VAV3: variants seen among roughly 807,000 people sequenced by gnomAD.
VAV3 encodes guanine nucleotide exchange factor VAV3.
In VAV3, 94 loss-of-function variants were observed where a neutral mutation model predicts 131.2. The ratio of observed to expected loss-of-function variants is 0.72; its 90% CI spans 0.61 to 0.85. VAV3 has a LOEUF of 0.85. Among genes scored for constraint, VAV3 ranks in the 40% least tolerant of loss-of-function variants. The pLI is 0.00. For synonymous variants in VAV3, 349 were observed against 342.0 expected, an observed-to-expected ratio of 1.02 and a Z score of -0.22; for missense variants, 939 against 1,002.7, an observed-to-expected ratio of 0.94 and a Z score of 0.86.
chr1:107,701,878 T>C (rs977475869), intron 17 of VAV3, among the ~76,000 whole-genome samples: 3 of 152,210 alleles, frequency 2.0e-5, no homozygotes, highest in East Asian at 1.9e-4. Context: ...ATCAGCACTT[T>C]GGTCAAAACC....
intron 2 of VAV3, among the ~76,000 whole-genome samples, chr1:107,861,728 G>A (rs1264546912): frequency 6.6e-6 from 1 of 151,486 alleles, no homozygotes; most frequent in Admixed American, 6.6e-5. Flanking sequence ...TACTTTAAAA[G>A]ACAACTCAAA....
chr1:107,766,280 T>C (rs1481213841), intron 8 of VAV3, among the ~76,000 whole-genome samples, 167 bp downstream of exon 8: 4 of 152,128 alleles, frequency 2.6e-5, no homozygotes, highest in Non-Finnish European at 2.9e-5. Context: ...TTTAATTACA[T>C]ATATAGAACT....
At chr1:107,959,267 A>T (rs1046653377) in intron 1 of VAV3, among the ~76,000 whole-genome samples, 15 of 151,502 alleles carry the variant, frequency 9.9e-5, no homozygotes, top group Non-Finnish European at 1.8e-4. Context: ...TCTAAAAAAT[A>T]AATAAATTAA....
intron 15 of VAV3, among the ~76,000 whole-genome samples, chr1:107,742,998 A>C (rs1663112847): frequency 6.6e-6 from 1 of 152,226 alleles, no homozygotes; most frequent in South Asian, 2.1e-4. Flanking sequence ...AGGAAAGACC[A>C]GGCCTGGCAG....
intron 2 of VAV3, among the ~76,000 whole-genome samples, chr1:107,816,078 C>A (rs1667548220): frequency 6.6e-6 from 1 of 152,178 alleles, no homozygotes; most frequent in East Asian, 1.9e-4. Flanking sequence ...GCTCGCTCAT[C>A]CACCCCTCAC....
intron 19 of VAV3, among the ~76,000 whole-genome samples, chr1:107,643,575 A>AT (rs1382052173): frequency 6.6e-6 from 1 of 152,100 alleles, no homozygotes; most frequent in East Asian, 1.9e-4. Context: ...TAAACATGAT[A>AT]TTTTTTGCAC....
chr1:107,658,628 A>G (rs1271748660), intron 19 of VAV3, among the ~76,000 whole-genome samples: 1 of 151,936 alleles, frequency 6.6e-6, no homozygotes, highest in Non-Finnish European at 1.5e-5. Flanking sequence ...CTGACTTTTT[A>G]ATGACTGCCA....
chr1:107,783,819 C>T (rs944680366), intron 2 of VAV3, among the ~76,000 whole-genome samples: 11 of 150,736 alleles, frequency 7.3e-5, no homozygotes, highest in Non-Finnish European at 1.0e-4. Flanking sequence ...GAGGCTGAGG[C>T]GGGCAGATCA....
chr1:107,734,883 C>T (rs969546045), intron 15 of VAV3, among the ~76,000 whole-genome samples: 7 of 152,180 alleles, frequency 4.6e-5, no homozygotes, highest in Non-Finnish European at 8.8e-5. Flanking sequence ...GAACTCTCCA[C>T]CACAAATCAA....
chr1:107,640,381 T>C (rs554431906), intron 20 of VAV3, among the ~76,000 whole-genome samples: 42 of 152,262 alleles, frequency 2.8e-4, no homozygotes, highest in Admixed American at 3.3e-4. Context: ...ATATATGCTA[T>C]GTGATGCACA....
intron 2 of VAV3, among the ~76,000 whole-genome samples, chr1:107,836,504 C>T (rs1018675659): frequency 6.6e-6 from 1 of 152,152 alleles, no homozygotes; most frequent in Non-Finnish European, 1.5e-5. Flanking sequence ...TCTAACACTG[C>T]ACCTACAGGA....
intron 11 of VAV3, 106 bp from the exon 12 acceptor site, chr1:107,755,619 C>A: frequency 1.3e-6 from 1 of 747,332 alleles, no homozygotes. Context: ...TAAAAGTAAC[C>A]ACTGTAACTT....
At chr1:107,618,157 C>A (rs1653308189) in intron 20 of VAV3, among the ~76,000 whole-genome samples, 1 of 152,184 alleles carries the variant, frequency 6.6e-6, no homozygotes, top group South Asian at 2.1e-4. Flanking sequence ...AACGCTTGCT[C>A]ATTGGCAGCT....
intron 15 of VAV3, among the ~76,000 whole-genome samples, chr1:107,716,380 C>G (rs1661091638): frequency 6.6e-6 from 1 of 152,196 alleles, no homozygotes; most frequent in South Asian, 2.1e-4. Flanking sequence ...GTAATCCCAG[C>G]ACTTTGGGAG....
intron 15 of VAV3, among the ~76,000 whole-genome samples, chr1:107,740,353 G>T (rs1662940048): frequency 6.6e-6 from 1 of 152,022 alleles, no homozygotes; most frequent in Non-Finnish European, 1.5e-5. Context: ...TTACTACATG[G>T]CTGCTACTGG....
intron 1 of VAV3, among the ~76,000 whole-genome samples, chr1:107,960,194 G>A (rs1246541059): frequency 1.3e-5 from 2 of 152,164 alleles, no homozygotes; most frequent in Non-Finnish European, 2.9e-5. Context: ...AGGGCTGGGC[G>A]TGGCAGCTCA....
chr1:107,753,988 T>G (rs1663943353), intron 12 of VAV3, among the ~76,000 whole-genome samples: 1 of 152,188 alleles, frequency 6.6e-6, no homozygotes, highest in African/African-American at 2.4e-5. Context: ...GCACCTTGAA[T>G]AAATTTGATA....
intron 1 of VAV3, among the ~76,000 whole-genome samples, chr1:107,895,320 T>C (rs1029370364): frequency 1.3e-5 from 2 of 152,198 alleles, no homozygotes; most frequent in Non-Finnish European, 2.9e-5. Flanking sequence ...TCCACTTACA[T>C]TGTACTTATA....
At chr1:107,734,122 T>A (rs1168519451) in intron 15 of VAV3, among the ~76,000 whole-genome samples, 1 of 152,240 alleles carries the variant, frequency 6.6e-6, no homozygotes, top group Middle Eastern at 3.4e-3. Flanking sequence ...GCTTCCTAAG[T>A]GAAGGAGAAA....
Sources: gnomAD v4.1 joint callset for allele counts (sites outside exome capture counted in the v4.1 genomes callset) on GRCh38, gnomAD v4.1.1 for gene constraint, MANE v1.5 for transcripts, NCBI Gene and HGNC (gene_info 2026-07-23, HGNC 2026-07-21) for gene names.